SHANK2: variants seen among roughly 807,000 people sequenced by gnomAD.
SHANK2 encodes SH3 and multiple ankyrin repeat domains protein 2.
Under a neutral mutation model 133.7 loss-of-function variants are expected in SHANK2, and 43 were observed. The ratio of observed to expected loss-of-function variants is 0.32; its 90% CI spans 0.25 to 0.41. The LOEUF is 0.41. Ranked by LOEUF, SHANK2 falls within the 10% of genes least tolerant of loss-of-function variation. The probability of loss-of-function intolerance (pLI) is 1.00; values close to 1 mark genes in which losing one functional copy is unlikely to be tolerated. For synonymous variants in SHANK2, 1,017 were observed against 952.8 expected (o/e 1.07, Z -1.24); for missense variants, 1,994 against 2,235.8 (o/e 0.89, Z 2.18).
chr11:70,807,081 C>T lies in SHANK2; in HGVS notation c.1584G>A (p.Gly528=), dbSNP rs1948179615. The T allele has an allele frequency of 9.8e-6, 7 of 717,936 alleles. No homozygotes were observed. Among genetic ancestry groups the T allele is most frequent in the Non-Finnish European group, 1.8e-5 (7 of 385,018 alleles). The allele number at this position is 717,936 out of a possible 1,614,324, so 44.5% of individuals were successfully genotyped here. The stretch of plus-strand genomic sequence containing the variant: ...ATGGCTTGACAGCGACGAAGAGCCT[C>T]CCGGGCACGGCACTGTAGAGCTTCC... ...PKRKLYSAVP[G]RLFVAVKPYQ... Residue 528 remains glycine, a synonymous_variant, in exon 13 of 26, where the codon GGG becomes GGA. Coordinates refer to ENST00000601538, the MANE Select transcript of SHANK2 (RefSeq NM_012309.5). This position sits in a 1 kb window ranked among gnomAD's most constrained non-coding sequence, Gnocchi z 4.8.
chr11:70,488,643 A>G (rs1157214255), intron 24 of SHANK2, among the ~76,000 whole-genome samples: 1 of 152,240 alleles, frequency 6.6e-6, no homozygotes, highest in Non-Finnish European at 1.5e-5. Context: ...ATCCTGAGCC[A>G]GGCCTCAGTG....
chr11:70,707,552 A>T (rs546975755), intron 14 of SHANK2, among the ~76,000 whole-genome samples: 4 of 152,118 alleles, frequency 2.6e-5, no homozygotes, highest in South Asian at 4.2e-4. Flanking sequence ...GTCCATCTTT[A>T]GACAAGACAA....
intron 1 of SHANK2, among the ~76,000 whole-genome samples, chr11:71,231,552 C>T (rs1450385534): frequency 1.3e-5 from 2 of 152,112 alleles, no homozygotes; most frequent in African/African-American, 2.4e-5. Context: ...CCATGTGACC[C>T]AAAAACCACA....
At chr11:70,613,765 T>TTTTTG (rs1554995116) in intron 17 of SHANK2, among the ~76,000 whole-genome samples, 1 of 144,984 alleles carries the variant, frequency 6.9e-6, no homozygotes, top group African/African-American at 2.5e-5. Flanking sequence ...GGGAACTTGT[T>TTTTTG]TTTTTTTTTT....
intron 3 of SHANK2, among the ~76,000 whole-genome samples, chr11:71,144,706 G>C (rs1365450833): frequency 2.0e-5 from 3 of 152,170 alleles, no homozygotes; most frequent in African/African-American, 7.2e-5. Context: ...CAGCCTTCCA[G>C]TGTTTCATAA....
intron 14 of SHANK2, among the ~76,000 whole-genome samples, chr11:70,774,305 G>T (rs538573648): frequency 6.6e-6 from 1 of 151,760 alleles, no homozygotes. Flanking sequence ...CCGGTAAAGG[G>T]GAAATCGGGG....
At chr11:71,066,262 A>G (rs1260319119) in intron 9 of SHANK2, among the ~76,000 whole-genome samples, 9 of 23,132 alleles carry the variant, frequency 3.9e-4, no homozygotes, top group African/African-American at 1.3e-3. Flanking sequence ...GGGGGAGGGT[A>G]CAGAACTCTC....
intron 8 of SHANK2, among the ~76,000 whole-genome samples, chr11:71,078,581 G>A (rs1357773625): frequency 6.6e-6 from 1 of 152,202 alleles, no homozygotes; most frequent in Admixed American, 6.5e-5. Context: ...GACTCAGGAA[G>A]CGGGACTCAG....
intron 11 of SHANK2, among the ~76,000 whole-genome samples, chr11:70,829,529 T>C (rs1948695812): frequency 6.6e-6 from 1 of 152,002 alleles, no homozygotes; most frequent in Non-Finnish European, 1.5e-5. Context: ...CTGCACCCCA[T>C]GTCCCATCTG....
chr11:70,598,926 C>CAAAA (rs61220609), intron 17 of SHANK2, among the ~76,000 whole-genome samples: 95 of 113,096 alleles, frequency 8.4e-4, no homozygotes, highest in African/African-American at 2.8e-3. Context: ...AGCTGCATGT[C>CAAAA]AAAAAAAAAA....
At chr11:71,229,580 C>T (rs1555122687) in intron 1 of SHANK2, among the ~76,000 whole-genome samples, 1 of 151,734 alleles carries the variant, frequency 6.6e-6, no homozygotes, top group African/African-American at 2.4e-5. Flanking sequence ...ACCATCCTGG[C>T]CAACATGGTG....
chr11:71,249,844 C>T (rs1948148231), intron 1 of SHANK2, among the ~76,000 whole-genome samples: 1 of 152,132 alleles, frequency 6.6e-6, no homozygotes, highest in South Asian at 2.1e-4. Context: ...TCCTTTTCCT[C>T]GTCACTAATG....
rs7946431 is a variant in SHANK2, at chr11:71,145,250, G to A, written c.207+1870C>T. The stretch of plus-strand genomic sequence containing the variant: ...TCTGGGCCACACTGGAAGAAGAACC[G>A]TCTTGCGCTACACATAAAATACACT... On this transcript the variant is annotated intron_variant, in intron 3 of 25. Coordinates refer to ENST00000601538, the MANE Select transcript of SHANK2 (RefSeq NM_012309.5). Among the ~76,000 whole-genome samples the A allele has an allele frequency of 5.3e-5, 8 of 152,166 alleles. No individual in the cohort carries two copies. In the South Asian group the frequency reaches 1.5e-3, roughly 28 times the overall value.
At chr11:70,700,211 A>G (rs1417802901) in intron 14 of SHANK2, among the ~76,000 whole-genome samples, 2 of 152,264 alleles carry the variant, frequency 1.3e-5, no homozygotes, top group Admixed American at 1.3e-4. Context: ...GGACTCCCCA[A>G]ACAGCCACAT....
Position 70,487,435 on chromosome 11 carries a change from C to T in SHANK2, c.2858G>A (p.Arg953Lys), listed in dbSNP as rs781957386. ...TMMREKGMYF[R>K]RELDRYSLDS... ...CAAGGAGTAGCGGTCCAGCTCTCTCCTGAAGTACATCCCCTTCTCCCTCAT... is the reference window on the plus strand; with the variant it reads ...CAAGGAGTAGCGGTCCAGCTCTCTCTTGAAGTACATCCCCTTCTCCCTCAT... The change falls in exon 25 of 26, where the codon AGG becomes AAG. Residue 953 changes from arginine to lysine, a missense_variant. Around this residue, in one of 5 missense-constraint regions of SHANK2, gnomAD observed 488 missense variants for 642.6 expected, o/e 0.76. Transcript: ENST00000601538. The surrounding 1 kb of genome is among the most constrained non-coding windows in gnomAD (Gnocchi z 5.8). 6.2e-7 allele frequency: 1 copy of T among 1,614,148 alleles called. No individual in the cohort carries two copies. The highest frequency in any genetic ancestry group is 8.5e-7 in the Non-Finnish European group (1 of 1,180,044).
At chr11:70,904,087 C>A (rs1950063394) in intron 10 of SHANK2, among the ~76,000 whole-genome samples, 1 of 152,190 alleles carries the variant, frequency 6.6e-6, no homozygotes, top group African/African-American at 2.4e-5. Context: ...ATCAAGGACA[C>A]CTGTAGACTT....
chr11:71,218,494 A>G (rs1555120513), intron 2 of SHANK2, among the ~76,000 whole-genome samples: 2 of 151,848 alleles, frequency 1.3e-5, no homozygotes. Flanking sequence ...AACTCCCGAC[A>G]TCAGGTGATC....
chr11:70,765,628 G>A (rs1947103103), intron 14 of SHANK2, among the ~76,000 whole-genome samples: 1 of 152,100 alleles, frequency 6.6e-6, no homozygotes, highest in Non-Finnish European at 1.5e-5. Context: ...TAATAACATG[G>A]CAGGGTATAG....
intron 17 of SHANK2, among the ~76,000 whole-genome samples, chr11:70,577,514 G>A (rs1006970161): frequency 6.6e-6 from 1 of 152,208 alleles, no homozygotes; most frequent in East Asian, 1.9e-4. Flanking sequence ...GGTAACAGGC[G>A]TGGGGTCCTG....
Sources: gnomAD v4.1 joint callset for allele counts (sites outside exome capture counted in the v4.1 genomes callset) on GRCh38, gnomAD v4.1.1 for gene constraint, gnomAD v4.1.1 regional missense constraint, Gnocchi (gnomAD v3.1) non-coding constraint, MANE v1.5 for transcripts, NCBI Gene and HGNC (gene_info 2026-07-23, HGNC 2026-07-21) for gene names.